The following BMERB1 variants were observed in gnomAD, a reference collection of about 807,000 sequenced individuals.
The protein encoded by BMERB1 is bMERB domain-containing protein 1.
BMERB1 carries 12 observed loss-of-function variants against 23.6 expected under a neutral mutation model. The observed-to-expected ratio is 0.51, with a 90% confidence interval of 0.33 to 0.82. The LOEUF (loss-of-function observed/expected upper bound fraction) is 0.82. BMERB1 is among the 40% of genes least tolerant of loss of function. The probability of loss-of-function intolerance (pLI) is 0.03; values close to 1 mark genes in which losing one functional copy is unlikely to be tolerated. For synonymous variants in BMERB1, 122 were observed against 96.6 expected, an observed-to-expected ratio of 1.26 and a Z score of -1.54; for missense variants, 247 against 255.4, an observed-to-expected ratio of 0.97 and a Z score of 0.22.
At chr16:15,534,152 C>T (rs1207492172) in intron 2 of BMERB1, among the ~76,000 whole-genome samples, 1 of 151,908 alleles carries the variant, frequency 6.6e-6, no homozygotes, top group African/African-American at 2.4e-5. Context: ...TGTCATTGAT[C>T]TCTTCACAGC....
intron 1 of BMERB1, among the ~76,000 whole-genome samples, chr16:15,436,719 A>G (rs1394975908): frequency 6.6e-6 from 1 of 151,824 alleles, no homozygotes; most frequent in Non-Finnish European, 1.5e-5. Context: ...TCTGGTAACC[A>G]TCATTCTACT....
At chr16:15,534,027 A>G (rs1273172215) in intron 2 of BMERB1, among the ~76,000 whole-genome samples, 1 of 152,024 alleles carries the variant, frequency 6.6e-6, no homozygotes, top group East Asian at 1.9e-4. Flanking sequence ...CCTCCATCCA[A>G]CTGAATATGA....
chr16:15,510,770 C>T (rs954036145), intron 1 of BMERB1, among the ~76,000 whole-genome samples: 9 of 151,498 alleles, frequency 5.9e-5, no homozygotes, highest in African/African-American at 1.9e-4. Flanking sequence ...GGTATGATCT[C>T]GGCTCACTGC....
chr16:15,444,069 T>C (rs927455960), intron 1 of BMERB1, among the ~76,000 whole-genome samples: 1 of 143,178 alleles, frequency 7.0e-6, no homozygotes, highest in Non-Finnish European at 1.5e-5. Flanking sequence ...GTAAGCTGTC[T>C]GCCCCAGGCA....
intron 2 of BMERB1, among the ~76,000 whole-genome samples, chr16:15,556,159 C>G (rs2030251158): frequency 6.8e-6 from 1 of 147,932 alleles, no homozygotes; most frequent in Non-Finnish European, 1.5e-5. Context: ...GCCTGGACGA[C>G]AAGAGCGAAA....
intron 2 of BMERB1, among the ~76,000 whole-genome samples, chr16:15,554,471 T>C (rs2030190301): frequency 6.6e-6 from 1 of 152,106 alleles, no homozygotes; most frequent in South Asian, 2.1e-4. Context: ...GTTTTTATAG[T>C]GAGACCATAT....
intron 1 of BMERB1, among the ~76,000 whole-genome samples, chr16:15,440,244 C>CAAAAAA (rs57412464): frequency 1.5e-5 from 1 of 64,668 alleles, no homozygotes; most frequent in African/African-American, 6.4e-5. Context: ...GACTTAATCT[C>CAAAAAA]AAAAAAAAAA....
At chr16:15,497,026 G>T (rs2051479833) in intron 1 of BMERB1, among the ~76,000 whole-genome samples, 1 of 152,192 alleles carries the variant, frequency 6.6e-6, no homozygotes, top group Admixed American at 6.5e-5. Context: ...GTAGAAGCTA[G>T]AAAAGGCAAG....
chr16:15,553,513 G>A (rs534218904), intron 2 of BMERB1, among the ~76,000 whole-genome samples: 6 of 152,336 alleles, frequency 3.9e-5, no homozygotes, highest in South Asian at 2.1e-4. Flanking sequence ...AGTCTCTGTC[G>A]TGATTACTCA....
At chr16:15,488,717 T>C (rs1292861905) in intron 1 of BMERB1, among the ~76,000 whole-genome samples, 1 of 146,838 alleles carries the variant, frequency 6.8e-6, no homozygotes, top group Non-Finnish European at 1.5e-5. Flanking sequence ...GTGGTGGGTG[T>C]CTGTGGTCCC....
At chr16:15,511,218 CAT>C (rs1464601149) in intron 1 of BMERB1, among the ~76,000 whole-genome samples, 2 of 152,102 alleles carry the variant, frequency 1.3e-5, no homozygotes, top group Non-Finnish European at 2.9e-5. Context: ...TGCAAACAGA[CAT>C]CGCTCCCTCT....
intron 1 of BMERB1, among the ~76,000 whole-genome samples, chr16:15,485,523 A>C (rs1172415046): frequency 6.7e-6 from 1 of 149,310 alleles, no homozygotes; most frequent in Admixed American, 6.7e-5. Flanking sequence ...ATGGTCTCTG[A>C]ACCATTTTTA....
chr16:15,492,751 T>C (rs574305815), intron 1 of BMERB1, among the ~76,000 whole-genome samples: 1 of 151,976 alleles, frequency 6.6e-6, no homozygotes, highest in Non-Finnish European at 1.5e-5. Context: ...AAACCTTGTC[T>C]CTACTAAAAA....
intron 2 of BMERB1, among the ~76,000 whole-genome samples, chr16:15,546,671 C>T (rs1307781445): frequency 6.6e-6 from 1 of 152,206 alleles, no homozygotes; most frequent in Non-Finnish European, 1.5e-5. Flanking sequence ...TAATCAGCTT[C>T]TTCTAGTCTA....
At chr16:15,558,267 G>C (rs1192055422) in intron 2 of BMERB1, among the ~76,000 whole-genome samples, 1 of 152,124 alleles carries the variant, frequency 6.6e-6, no homozygotes, top group East Asian at 1.9e-4. Flanking sequence ...AGCCAAGCAA[G>C]GAGGCAGGAG....
chr16:15,456,291 A>C (rs1157911160), intron 1 of BMERB1, among the ~76,000 whole-genome samples: 1 of 151,576 alleles, frequency 6.6e-6, no homozygotes, highest in African/African-American at 2.4e-5. Context: ...TTCAAACTAT[A>C]TATCATGACC....
intron 1 of BMERB1, among the ~76,000 whole-genome samples, chr16:15,486,891 T>C (rs563033790): frequency 1.3e-5 from 2 of 152,274 alleles, no homozygotes; most frequent in East Asian, 3.9e-4. Context: ...GGTATAATAA[T>C]ATTACTTACC....
At chr16:15,491,807 G>A (rs2051423348) in intron 1 of BMERB1, among the ~76,000 whole-genome samples, 1 of 152,138 alleles carries the variant, frequency 6.6e-6, no homozygotes, top group Non-Finnish European at 1.5e-5. Flanking sequence ...TCTCATAGAG[G>A]TCTTCTGTGA....
chr16:15,565,049 A>G (rs2030525285), intron 2 of BMERB1, among the ~76,000 whole-genome samples: 1 of 151,304 alleles, frequency 6.6e-6, no homozygotes, highest in Non-Finnish European at 1.5e-5. Context: ...ATATTCCTTT[A>G]TGCAAAAAAA....
Sources: gnomAD v4.1 joint callset for allele counts (sites outside exome capture counted in the v4.1 genomes callset) on GRCh38, gnomAD v4.1.1 for gene constraint, MANE v1.5 for transcripts, NCBI Gene and HGNC (gene_info 2026-07-23, HGNC 2026-07-21) for gene names.